NHSL1: variants seen among roughly 807,000 people sequenced by gnomAD.
NHSL1 encodes the protein NHS like 1, also known as NHS-like protein 1.
A neutral mutation model predicts 95.0 loss-of-function variants in NHSL1; 48 were observed. That is an observed-to-expected ratio of 0.51 (90% CI 0.40 to 0.64). The LOEUF is 0.64. Among genes scored for constraint, NHSL1 ranks in the 30% least tolerant of loss-of-function variants. The pLI, the probability that NHSL1 is intolerant of heterozygous loss-of-function variation, is 0.00. For synonymous variants in NHSL1, 783 were observed against 833.9 expected, an observed-to-expected ratio of 0.94 and a Z score of 1.05; for missense variants, 1,971 against 2,077.7, an observed-to-expected ratio of 0.95 and a Z score of 1.00.
chr6:138,537,555 A>G (rs749045663), intron 1 of NHSL1, among the ~76,000 whole-genome samples: 1 of 151,470 alleles, frequency 6.6e-6, no homozygotes, highest in South Asian at 2.1e-4. Context: ...TAACATCACT[A>G]TATATTACAG....
chr6:138,494,923 T>A (rs1027565718), intron 2 of NHSL1, among the ~76,000 whole-genome samples: 3 of 152,196 alleles, frequency 2.0e-5, no homozygotes, highest in African/African-American at 7.2e-5. Context: ...GCTGCCCTCC[T>A]TGCCACACAT....
intron 3 of NHSL1, among the ~76,000 whole-genome samples, chr6:138,472,953 C>T (rs903863444): frequency 1.7e-4 from 26 of 152,102 alleles, no homozygotes; most frequent in African/African-American, 6.0e-4. Context: ...AAGAAATAAG[C>T]CCTTTATTTT....
chr6:138,629,652 C>T (rs1053110119), intron 1 of NHSL1, among the ~76,000 whole-genome samples: 5 of 152,112 alleles, frequency 3.3e-5, no homozygotes, highest in African/African-American at 7.2e-5. Context: ...CAAAGTGTTG[C>T]GATTACAGGC....
At chr6:138,590,293 C>T (rs1242799175) in intron 1 of NHSL1, among the ~76,000 whole-genome samples, 1 of 152,218 alleles carries the variant, frequency 6.6e-6, no homozygotes, top group Non-Finnish European at 1.5e-5. Flanking sequence ...CCACTGCGCC[C>T]GGCCTACTCA....
intron 1 of NHSL1, 47 bp from the exon 2 acceptor site, chr6:138,496,418 T>C (rs1286622480): frequency 1.3e-6 from 2 of 1,533,564 alleles, no homozygotes; most frequent in Non-Finnish European, 1.8e-6. Context: ...CTTCATTGGC[T>C]ACGAGTTCAT....
At position 138,626,758 on chromosome 6, in the gene NHSL1, G is replaced by A. The variant is rs1370962078; in HGVS notation, c.96+65718C>T. ...AATACAAAAAAATTAGCCGGGCGTA[G>A]TGGCGGGCGCCTGTCGTCCCAGCTA... On this transcript the variant is annotated intron_variant, in intron 1 of 3. Coordinates refer to the NHSL1 transcript ENST00000491526. Among the ~76,000 whole-genome samples the A allele has an allele frequency of 1.7e-5, 2 of 116,514 alleles. 1 individual carries two copies. The highest frequency in any genetic ancestry group is 3.4e-5 in the Non-Finnish European group (2 of 58,026). The allele number at this position is 116,514 out of a possible 152,430, so 76.4% of individuals were successfully genotyped here.
chr6:138,467,526 C>G (rs892578457), intron 3 of NHSL1, among the ~76,000 whole-genome samples: 1 of 152,172 alleles, frequency 6.6e-6, no homozygotes. Context: ...CAGGCCGGTC[C>G]TTCAGAAAAT....
At chr6:138,499,164 C>T (rs1005420287) in intron 1 of NHSL1, 69 bp downstream of exon 1, 30 of 1,029,628 alleles carry the variant, frequency 2.9e-5, no homozygotes, top group African/African-American at 1.9e-4. Context: ...CACACAGACA[C>T]ACAGGGACAT....
chr6:138,589,019 G>A (rs114227008), intron 1 of NHSL1, among the ~76,000 whole-genome samples: 84 of 152,288 alleles, frequency 5.5e-4, no homozygotes, highest in African/African-American at 1.9e-3. Flanking sequence ...CCATTCTCAA[G>A]AAAAACAGGC....
intron 5 of NHSL1, among the ~76,000 whole-genome samples, chr6:138,439,700 T>G (rs1475953766): frequency 6.6e-6 from 1 of 152,226 alleles, no homozygotes; most frequent in Non-Finnish European, 1.5e-5. Flanking sequence ...TTGTCTCAGT[T>G]GACCTCCAGT....
upstream of NHSL1, among the ~76,000 whole-genome samples, chr6:138,575,960 CATTTATTT>C (rs10626397): frequency 0.015 from 2,240 of 144,698 alleles, 27 homozygotes; most frequent in East Asian, 0.028. Flanking sequence ...AAAATCCCTA[CATTTATTT>C]ATTTATTTAT....
chr6:138,572,084 AAGGGAAAAGG>A (rs1466409187), exon 1 of NHSL1: 1 of 580,730 alleles, frequency 1.7e-6, no homozygotes, highest in African/African-American at 1.9e-5. Flanking sequence ...ATTAAAAAGA[AAGGGAAAAGG>A]AGGGGTTAAG....
chr6:138,504,855 T>C (rs759382664), intron 1 of NHSL1, among the ~76,000 whole-genome samples: 1 of 152,248 alleles, frequency 6.6e-6, no homozygotes, highest in Non-Finnish European at 1.5e-5. Context: ...TTTCTTTCTC[T>C]AGAACAACTT....
rs151315191 is a variant in NHSL1 at position 138,487,324 on chromosome 6, G to A, written c.211+8895C>T. Among the ~76,000 whole-genome samples, 125 of 152,278 alleles carry A rather than the reference G, an allele frequency of 8.2e-4. 1 individual carries two copies. Among genetic ancestry groups the A allele is most frequent in the African/African-American group, 2.9e-3 (120 of 41,540 alleles). ...GTTCGTTTTAAAGATAACACCCAGTGTTGAGGCTTAATAATACCACCGCTA... is the reference window on the plus strand; with the variant it reads ...GTTCGTTTTAAAGATAACACCCAGTATTGAGGCTTAATAATACCACCGCTA... On this transcript the variant is annotated intron_variant, in intron 2 of 7. Coordinates refer to ENST00000343505, the MANE Select transcript of NHSL1 (RefSeq NM_001144060.2).
At chr6:138,453,509 C>T (rs60544307) in intron 3 of NHSL1, among the ~76,000 whole-genome samples, 20,173 of 151,588 alleles carry the variant, frequency 0.13, 1,345 homozygotes, top group Middle Eastern at 0.17. Context: ...TGTGCATCAG[C>T]GTCCCTGGCT....
chr6:138,439,053 A>C (rs941060516), intron 5 of NHSL1, among the ~76,000 whole-genome samples: 9 of 152,218 alleles, frequency 5.9e-5, no homozygotes, highest in South Asian at 2.1e-4. Context: ...TTTTGGAAAT[A>C]AGCATTAAAT....
chr6:138,527,937 T>C (rs978897255), intron 1 of NHSL1, among the ~76,000 whole-genome samples: 1 of 152,186 alleles, frequency 6.6e-6, no homozygotes, highest in Non-Finnish European at 1.5e-5. Flanking sequence ...GCCAAAGTCA[T>C]TAGTGATTAG....
intron 1 of NHSL1, 75 bp downstream of exon 1, chr6:138,499,158 C>T: frequency 2.0e-6 from 1 of 487,854 alleles, no homozygotes; most frequent in Non-Finnish European, 3.2e-6. Flanking sequence ...CACACACACA[C>T]AGACACACAG....
intron 5 of NHSL1, chr6:138,435,283 T>A (rs930890759): frequency 6.5e-5 from 10 of 154,790 alleles, no homozygotes; most frequent in African/African-American, 2.4e-4. Context: ...TGTTTGGAGT[T>A]GAACTCATAT....
Sources: allele counts gnomAD v4.1 joint callset (sites outside exome capture counted in the v4.1 genomes callset), GRCh38; gene constraint gnomAD v4.1.1; transcripts MANE v1.5; gene names NCBI Gene and HGNC (gene_info 2026-07-23, HGNC 2026-07-21).